The following NAT10 variants were observed in gnomAD, a reference collection of about 807,000 sequenced individuals.
The protein encoded by NAT10 is RNA cytidine acetyltransferase.
NAT10 carries 109 observed loss-of-function variants against 132.2 expected under a neutral mutation model. The observed-to-expected ratio is 0.82, with a 90% CI of 0.71 to 0.97. The LOEUF (loss-of-function observed/expected upper bound fraction) is 0.97. NAT10 is among the 50% of genes least tolerant of loss of function. NAT10 has a pLI of 0.00. For missense variants in NAT10, 1,184 were observed against 1,263.4 expected (o/e 0.94, Z 0.95); for synonymous variants, 479 against 478.0 (o/e 1.00, Z -0.03).
intron 8 of NAT10, 94 bp from the exon 9 acceptor site, chr11:34,122,365 C>T: frequency 6.5e-7 from 1 of 1,526,824 alleles, no homozygotes. Context: ...CTTATTTAGC[C>T]TGGCATCAAC....
chr11:34,117,621 T>G (rs1361186411), intron 6 of NAT10, among the ~76,000 whole-genome samples: 1 of 152,244 alleles, frequency 6.6e-6, no homozygotes, highest in Non-Finnish European at 1.5e-5. Context: ...CAGAAGCCTA[T>G]GAAATCCTTT....
chr11:34,134,417 A>G lies in NAT10; in HGVS notation c.1833A>G (p.Glu611=). The G allele has an allele frequency of 6.2e-7, 1 of 1,614,172 alleles. No homozygotes were observed. The highest frequency in any genetic ancestry group is 8.5e-7 in the Non-Finnish European group (1 of 1,179,998). ...ACCTGATTCCATGGACAGTGTCAGA[A>G]CAGGTGACGGGCTTTCCCTGGTGTG... is the stretch of plus-strand genomic sequence containing the variant. The part of the protein sequence containing the change: ...SGDLIPWTVS[E]QFQDPDFGGL... The change falls in exon 17 of 29, where the codon GAA becomes GAG. Residue 611 remains glutamate, a synonymous_variant. Transcript: ENST00000257829.
intron 6 of NAT10, 116 bp downstream of exon 6, chr11:34,116,000 AATG>A (rs1353520997): frequency 2.2e-6 from 2 of 900,682 alleles, no homozygotes; most frequent in Non-Finnish European, 3.4e-6. Flanking sequence ...ATATTCCAAA[AATG>A]ATGAGATTCT....
At chr11:34,114,293 TC>T (rs2134156648) in intron 5 of NAT10, among the ~76,000 whole-genome samples, 1 of 152,322 alleles carries the variant, frequency 6.6e-6, no homozygotes, top group African/African-American at 2.4e-5. Context: ...GATTGTGTTC[TC>T]CCAAAGCAAA....
rs1852322706 is a variant in NAT10, at chr11:34,141,226, G to A, written c.2712+18G>A. 1 of 1,613,742 alleles carries A rather than the reference G, an allele frequency of 6.2e-7. No homozygotes were observed. The highest frequency in any genetic ancestry group is 1.1e-5 in the South Asian group (1 of 91,052). On this transcript the variant is annotated intron_variant, in intron 25 of 28. Coordinates refer to ENST00000257829, the MANE Select transcript of NAT10 (RefSeq NM_024662.3). ...TTGTGAAGGTAACCTCAGCCTGAGG[G>A]CAGGGGCTTGATGTCTCTCAAATAG...
chr11:34,142,619 A>G (rs1852357482), intron 27 of NAT10, among the ~76,000 whole-genome samples: 1 of 152,148 alleles, frequency 6.6e-6, no homozygotes, highest in Non-Finnish European at 1.5e-5. Flanking sequence ...TCCTTCCAGG[A>G]GTGGGGGTGC....
At chr11:34,106,811 G>A (rs908963024) in intron 1 of NAT10, among the ~76,000 whole-genome samples, 6 of 152,272 alleles carry the variant, frequency 3.9e-5, no homozygotes, top group African/African-American at 1.2e-4. Context: ...TAAGACATAT[G>A]CTAAAATCTG....
chr11:34,143,573 T>TTCC, intron 28 of NAT10, 45 bp downstream of exon 28: 1 of 1,530,186 alleles, frequency 6.5e-7, no homozygotes, highest in Non-Finnish European at 9.0e-7. Flanking sequence ...AGAGGCATTC[T>TTCC]GGCCTCTCTG....
intron 8 of NAT10, among the ~76,000 whole-genome samples, chr11:34,121,142 A>G (rs1010549256): frequency 6.6e-6 from 1 of 152,134 alleles, no homozygotes; most frequent in Non-Finnish European, 1.5e-5. Flanking sequence ...GGAGGCTTTT[A>G]TGCCCATAGT....
chr11:34,134,054 C>T (rs567225524), intron 16 of NAT10, among the ~76,000 whole-genome samples: 3 of 151,814 alleles, frequency 2.0e-5, no homozygotes, highest in African/African-American at 4.8e-5. Context: ...GTCCCAGCTA[C>T]TCGGGAGGCT....
chr11:34,129,102 A>T (rs1162434667), intron 12 of NAT10, among the ~76,000 whole-genome samples: 1 of 152,110 alleles, frequency 6.6e-6, no homozygotes, highest in East Asian at 1.9e-4. Context: ...TCTTGCTTTG[A>T]ACATTAGCGT....
chr11:34,133,249 C>T, intron 16 of NAT10, 107 bp downstream of exon 16: 4 of 903,944 alleles, frequency 4.4e-6, no homozygotes, highest in Non-Finnish European at 7.1e-6. Flanking sequence ...CTGTGGAGTC[C>T]TGGTCTGGAA....
intron 4 of NAT10, among the ~76,000 whole-genome samples, chr11:34,112,757 C>T (rs146567232): frequency 1.3e-5 from 2 of 152,158 alleles, no homozygotes; most frequent in African/African-American, 4.8e-5. Flanking sequence ...ATTCTCTTGC[C>T]TGGCAAGTTA....
At chr11:34,138,316 T>G (rs1852255613) in intron 21 of NAT10, among the ~76,000 whole-genome samples, 1 of 152,114 alleles carries the variant, frequency 6.6e-6, no homozygotes, top group Non-Finnish European at 1.5e-5. Flanking sequence ...ATGAAGACAT[T>G]GTCTTCTGAG....
Position 34,131,517 on chromosome 11 carries a change from T to C in NAT10, c.1506T>C (p.Pro502=). The change falls in exon 14 of 29, where the codon CCT becomes CCC. Residue 502 remains proline (P), a synonymous_variant. Transcript: ENST00000257829. ...ITRIVSGCPL[P]EACELYYVNR... is the part of the protein sequence containing the mutation. ...GGATAGTCTCAGGCTGCCCCTTGCC[T>C]GAAGCTTGTGAACTGTATCCTCCTC... The C allele has an allele frequency of 6.2e-7, 1 of 1,613,754 alleles. No homozygotes were observed.
chr11:34,141,922 A>C, intron 26 of NAT10, 105 bp downstream of exon 26: 1 of 936,556 alleles, frequency 1.1e-6, no homozygotes, highest in Non-Finnish European at 1.7e-6. Context: ...AGTCCTCTGC[A>C]CTAATTGAGC....
chr11:34,146,256 C>A lies in NAT10; in HGVS notation c.*64C>A. 6.4e-6 allele frequency: 8 copies of A among 1,242,784 alleles called. No homozygotes were observed. Among genetic ancestry groups the A allele is most frequent in the Non-Finnish European group, 7.8e-6 (7 of 894,486 alleles). 77.0% of individuals were successfully genotyped at this position (1,242,784 alleles called of 1,614,324 possible). On this transcript the variant is annotated 3_prime_UTR_variant, in exon 29 of 29. Coordinates refer to ENST00000257829, the MANE Select transcript of NAT10 (RefSeq NM_024662.3). ...GATACTCTCACTAACTGAACCCTCT[C>A]TGGCTGGACTGTTAAAAGCAACGAG...
At chr11:34,136,949 A>C (rs772562419) in intron 20 of NAT10, 29 bp from the exon 21 acceptor site, 53 of 1,613,942 alleles carry the variant, frequency 3.3e-5, no homozygotes, top group Non-Finnish European at 4.3e-5. Flanking sequence ...GGCCACACAC[A>C]GTGACCTACT....
chr11:34,120,914 G>A (rs1433366379), intron 8 of NAT10, among the ~76,000 whole-genome samples: 1 of 152,222 alleles, frequency 6.6e-6, no homozygotes, highest in African/African-American at 2.4e-5. Context: ...GGCGAGGTGA[G>A]GAAACAAGCC....
Sources: gnomAD v4.1 joint callset for allele counts (sites outside exome capture counted in the v4.1 genomes callset) on GRCh38, gnomAD v4.1.1 for gene constraint, MANE v1.5 for transcripts, NCBI Gene and HGNC (gene_info 2026-07-23, HGNC 2026-07-21) for gene names.